ATP9A: variants seen among roughly 807,000 people sequenced by gnomAD.
ATP9A encodes the protein probable phospholipid-transporting ATPase IIA.
A neutral mutation model predicts 144.1 loss-of-function variants in ATP9A; 52 were observed. The ratio of observed to expected loss-of-function variants is 0.36; its 90% CI spans 0.29 to 0.45. ATP9A has a LOEUF of 0.45. Ranked by LOEUF, ATP9A falls within the 20% of genes least tolerant of loss-of-function variation. The pLI is 1.00. For synonymous variants in ATP9A, 582 were observed against 557.4 expected, an observed-to-expected ratio of 1.04 and a Z score of -0.62; for missense variants, 947 against 1,392.7, an observed-to-expected ratio of 0.68 and a Z score of 5.09.
intron 26 of ATP9A, among the ~76,000 whole-genome samples, chr20:51,605,396 T>C (rs1373201560): frequency 1.3e-5 from 2 of 152,188 alleles, no homozygotes; most frequent in African/African-American, 4.8e-5. Context: ...GGTGGGTGGA[T>C]TGCTTGAGCT....
At chr20:51,742,412 C>G (rs1461187522) in intron 1 of ATP9A, among the ~76,000 whole-genome samples, 1 of 151,944 alleles carries the variant, frequency 6.6e-6, no homozygotes, top group Admixed American at 6.6e-5. Flanking sequence ...ATAACAAAAC[C>G]AGCACAATGA....
intron 22 of ATP9A, among the ~76,000 whole-genome samples, chr20:51,617,037 G>A (rs1401179751): frequency 6.6e-6 from 1 of 151,390 alleles, no homozygotes; most frequent in South Asian, 2.1e-4. Flanking sequence ...TGCCTCCCGG[G>A]TTCAGGCGAT....
chr20:51,731,406 T>C (rs545742130), intron 1 of ATP9A, among the ~76,000 whole-genome samples: 3 of 151,732 alleles, frequency 2.0e-5, no homozygotes, highest in Non-Finnish European at 4.4e-5. Context: ...TATTATTACA[T>C]CTATGCTTCA....
intron 14 of ATP9A, among the ~76,000 whole-genome samples, chr20:51,655,658 G>A (rs528249908): frequency 5.9e-5 from 9 of 152,198 alleles, no homozygotes; most frequent in Non-Finnish European, 1.2e-4. Context: ...GTGGAGAAAC[G>A]GAAACTGTCA....
chr20:51,621,066 G>A (rs903101579), intron 19 of ATP9A, among the ~76,000 whole-genome samples: 3 of 150,592 alleles, frequency 2.0e-5, no homozygotes, highest in South Asian at 2.1e-4. Flanking sequence ...AGAATTGCTT[G>A]AACCCAGGAG....
chr20:51,649,441 G>T (rs2077354714), intron 14 of ATP9A, among the ~76,000 whole-genome samples: 1 of 152,162 alleles, frequency 6.6e-6, no homozygotes, highest in African/African-American at 2.4e-5. Context: ...TATCATAAGA[G>T]GGGCTCATAG....
At chr20:51,699,477 T>G (rs188971571) in intron 4 of ATP9A, among the ~76,000 whole-genome samples, 89 of 152,264 alleles carry the variant, frequency 5.8e-4, no homozygotes, top group African/African-American at 1.9e-3. Flanking sequence ...TCACTACCAT[T>G]GAGATTTTTC....
chr20:51,719,082 C>G (rs553083241), intron 3 of ATP9A, among the ~76,000 whole-genome samples: 16 of 150,850 alleles, frequency 1.1e-4, no homozygotes, highest in African/African-American at 3.7e-4. Flanking sequence ...GAGCCAAGAT[C>G]GAGCCACTGC....
intron 17 of ATP9A, 97 bp downstream of exon 17, chr20:51,627,503 C>A: frequency 5.4e-6 from 6 of 1,118,756 alleles, no homozygotes; most frequent in Non-Finnish European, 8.1e-6. Flanking sequence ...CCAGAAATGA[C>A]ATCAGAATGG....
chr20:51,715,580 C>G (rs1290297997), intron 3 of ATP9A, among the ~76,000 whole-genome samples: 2 of 152,184 alleles, frequency 1.3e-5, no homozygotes, highest in African/African-American at 4.8e-5. Flanking sequence ...CGCTCACTAA[C>G]CTCCCTGCTG....
intron 12 of ATP9A, 31 bp from the exon 13 acceptor site, chr20:51,670,140 T>G: frequency 6.0e-6 from 9 of 1,506,448 alleles, no homozygotes; most frequent in South Asian, 1.1e-5. Context: ...GTGGCCGGCC[T>G]GTCTCTCAGG....
intron 9 of ATP9A, among the ~76,000 whole-genome samples, chr20:51,680,238 A>C (rs868669374): frequency 3.6e-4 from 54 of 151,858 alleles, no homozygotes; most frequent in African/African-American, 1.3e-3. Context: ...AAAAAAAAAA[A>C]AAAAAAAACT....
In ATP9A at chr20:51,597,962, TC is replaced by T. The variant is rs1297848630; in HGVS notation, c.*3248del. The T allele has an allele frequency of 6.6e-6, 1 of 151,552 alleles. No homozygotes were observed. The highest frequency in any genetic ancestry group is 1.5e-5 in the Non-Finnish European group (1 of 67,914). The allele number at this position is 151,552 out of a possible 1,614,324, so 9.4% of individuals were successfully genotyped here. ...TTACAATGCTAGTTCCAGCACGTGG[TC>T]TAATGGCCCCAGGGGCTGGAAAAGG... On this transcript the variant is annotated 3_prime_UTR_variant, in exon 28 of 28. Transcript: ENST00000338821.
intron 15 of ATP9A, among the ~76,000 whole-genome samples, chr20:51,634,344 C>T (rs2122738998): frequency 6.6e-6 from 1 of 152,302 alleles, no homozygotes; most frequent in South Asian, 2.1e-4. Flanking sequence ...GGAAACACCC[C>T]ACCCACAGGA....
intron 14 of ATP9A, among the ~76,000 whole-genome samples, chr20:51,655,524 A>C (rs771013239): frequency 5.9e-5 from 9 of 152,234 alleles, no homozygotes; most frequent in Non-Finnish European, 1.0e-4. Context: ...TAAGCATACG[A>C]AAAGACGCTC....
chr20:51,738,132 G>C (rs949144109), intron 1 of ATP9A, among the ~76,000 whole-genome samples: 2 of 151,274 alleles, frequency 1.3e-5, no homozygotes, highest in African/African-American at 4.9e-5. Context: ...GGGTTCAAGC[G>C]ATTCTCCTGC....
At chr20:51,701,037 C>T (rs368535809) in intron 4 of ATP9A, among the ~76,000 whole-genome samples, 1 of 152,118 alleles carries the variant, frequency 6.6e-6, no homozygotes, top group East Asian at 1.9e-4. Flanking sequence ...GCCCTCAGCG[C>T]CAATGAACTT....
At chr20:51,663,638 C>CA (rs1274062854) in intron 13 of ATP9A, among the ~76,000 whole-genome samples, 1 of 151,644 alleles carries the variant, frequency 6.6e-6, no homozygotes, top group Non-Finnish European at 1.5e-5. Flanking sequence ...ACCAAAAATA[C>CA]AAAAAATTAG....
At chr20:51,759,745 TCTAATA>T (rs1403368228) in intron 1 of ATP9A, among the ~76,000 whole-genome samples, 1 of 152,010 alleles carries the variant, frequency 6.6e-6, no homozygotes, top group Admixed American at 6.6e-5. Flanking sequence ...ATGCCACATA[TCTAATA>T]CTATCTCCAC....
Sources: gnomAD v4.1 joint callset for allele counts (sites outside exome capture counted in the v4.1 genomes callset) on GRCh38, gnomAD v4.1.1 for gene constraint, MANE v1.5 for transcripts, NCBI Gene and HGNC (gene_info 2026-07-23, HGNC 2026-07-21) for gene names.